USF3: variants seen among roughly 807,000 people sequenced by gnomAD.
The protein encoded by USF3 is basic helix-loop-helix domain-containing protein USF3.
In USF3, 29 loss-of-function variants were observed where a neutral mutation model predicts 157.5. That is an observed-to-expected ratio of 0.18 (90% CI 0.14 to 0.25). The LOEUF (loss-of-function observed/expected upper bound fraction) is 0.25. Among genes scored for constraint, USF3 ranks in the 10% least tolerant of loss-of-function variants. The pLI is 1.00. For missense variants in USF3, 2,381 were observed against 2,667.6 expected (o/e 0.89, Z 2.37); for synonymous variants, 893 against 941.4 (o/e 0.95, Z 0.94).
rs1441945200 is a variant in USF3 at position 113,659,375 on chromosome 3, T to G, written c.2307A>C (p.Leu769=). The G allele has an allele frequency of 1.2e-6, 2 of 1,614,246 alleles. No individual in the cohort carries two copies. Among genetic ancestry groups the G allele is most frequent in the East Asian group, 4.5e-5 (2 of 44,888 alleles). ...PPVTTDSSAT[L]ASTYNLVSTS... ...TACTCACTAGATTATAAGTACTAGCTAGTGTGGCTGAACTATCTGTTGTCA... is the reference window on the plus strand; with the variant it reads ...TACTCACTAGATTATAAGTACTAGCGAGTGTGGCTGAACTATCTGTTGTCA... Residue 769 remains leucine (L), a synonymous_variant, in exon 7 of 7, where the codon CTA becomes CTC. Coordinates refer to ENST00000316407, the MANE Select transcript of USF3 (RefSeq NM_001009899.4).
rs1318448146 is a variant in USF3 at position 113,658,488 on chromosome 3, T to C, written c.3194A>G (p.His1065Arg). 2 of 1,613,978 alleles carry C rather than the reference T, an allele frequency of 1.2e-6. No homozygotes were observed. The highest frequency in any genetic ancestry group is 1.7e-6 in the Non-Finnish European group (2 of 1,179,948). ...NNDDRDPPQH[H>R]SCLPDQEVIN... is the part of the protein sequence containing the mutation. ...AACCTCTTGATCAGGGAGGCAGGAA[T>C]GATGCTGTGGAGGATCTCTATCATC... The change falls in exon 7 of 7, where the codon CAT becomes CGT. Residue 1065 changes from histidine to arginine, a missense_variant. His to Arg is a conservative substitution (Grantham distance 29). Around this residue, in one of 6 missense-constraint regions of USF3, gnomAD observed 1,435 missense variants for 1,550.9 expected, o/e 0.93. Transcript: ENST00000316407.
chr3:113,677,768 T>G (rs1174962768), intron 1 of USF3, among the ~76,000 whole-genome samples: 1 of 152,218 alleles, frequency 6.6e-6, no homozygotes, highest in African/African-American at 2.4e-5. Context: ...TTATCTTTCC[T>G]TCAATTTCCT....
Position 113,655,232 on chromosome 3 carries a change from G to C in USF3, c.6450C>G (p.Asn2150Lys). ...GAGGAGATAAAATTGATCCAAATCG[G>C]TTATTTAAACTTCCACTGTTTACCT... ...TEKVNSGSLNNRFGSILSPPR... is the reference protein window; with the variant it reads ...TEKVNSGSLNKRFGSILSPPR... The change falls in exon 7 of 7, where the codon AAC becomes AAG. Residue 2150 changes from asparagine (N) to lysine (K), a missense_variant. Transcript: ENST00000316407. 1 of 1,614,164 alleles carries C rather than the reference G, an allele frequency of 6.2e-7. No homozygotes were observed. Among genetic ancestry groups the C allele is most frequent in the Non-Finnish European group, 8.5e-7 (1 of 1,180,012 alleles).
At chr3:113,680,154 A>G (rs1707379652) in intron 1 of USF3, among the ~76,000 whole-genome samples, 1 of 132,476 alleles carries the variant, frequency 7.5e-6, no homozygotes, top group Non-Finnish European at 1.5e-5. Context: ...CTCCTCCTCT[A>G]TTTTTCTTAA....
chr3:113,690,940 C>A (rs890215769), intron 1 of USF3, among the ~76,000 whole-genome samples: 1 of 152,158 alleles, frequency 6.6e-6, no homozygotes, highest in Admixed American at 6.6e-5. Flanking sequence ...GTAATCCCAG[C>A]ACTTTGAGAG....
At position 113,659,763 on chromosome 3, in the gene USF3, G is replaced by A. The variant is rs183889251; in HGVS notation, c.1919C>T (p.Pro640Leu). 1.4e-3 allele frequency: 2,275 copies of A among 1,614,218 alleles called. 1 individual carries two copies. Among genetic ancestry groups the A allele is most frequent in the Non-Finnish European group, 1.8e-3 (2,124 of 1,180,026 alleles). Reference protein sequence around the residue: ...GKHLVHILPRPSSLSASNSTQ... With the variant: ...GKHLVHILPRLSSLSASNSTQ... ...TGAGTTAGACGCTGATAAAGATGAAGGTCTTGGTAATATGTGGACAAGATG... is the reference window on the plus strand; with the variant it reads ...TGAGTTAGACGCTGATAAAGATGAAAGTCTTGGTAATATGTGGACAAGATG... Residue 640 changes from proline to leucine, a missense_variant, in exon 7 of 7, where the codon CCT becomes CTT. Coordinates refer to ENST00000316407, the MANE Select transcript of USF3 (RefSeq NM_001009899.4).
chr3:113,690,197 T>A (rs1416337101), intron 1 of USF3, among the ~76,000 whole-genome samples: 2 of 145,158 alleles, frequency 1.4e-5, no homozygotes, highest in Non-Finnish European at 3.1e-5. Context: ...CCCAAAAATC[T>A]TCATATCTTC....
chr3:113,686,606 T>C (rs1707552399), intron 1 of USF3, among the ~76,000 whole-genome samples: 1 of 152,216 alleles, frequency 6.6e-6, no homozygotes, highest in South Asian at 2.1e-4. Context: ...ATTTGGTTCT[T>C]ATGTGGATAG....
At chr3:113,681,383 T>G (rs1267012778) in intron 1 of USF3, among the ~76,000 whole-genome samples, 1 of 152,148 alleles carries the variant, frequency 6.6e-6, no homozygotes, top group South Asian at 2.1e-4. Flanking sequence ...TTTAAGAAAT[T>G]TTTTAATTTC....
At position 113,683,390 on chromosome 3, in the gene USF3, A is replaced by G. The variant is rs576979995; in HGVS notation, c.-134-5993T>C. 2.8e-5 allele frequency among the ~76,000 whole-genome samples: 4 copies of G among 141,440 alleles called. No individual in the cohort carries two copies. In the East Asian group the frequency reaches 8.2e-4, roughly 29 times the overall value. The allele number at this position is 141,440 out of a possible 152,430, so 92.8% of individuals were successfully genotyped here. A position where few individuals can be genotyped will look rare whatever the true frequency, so the allele number is the denominator to read the frequency against. On this transcript the variant is annotated intron_variant, in intron 1 of 6. Coordinates refer to ENST00000316407, the MANE Select transcript of USF3 (RefSeq NM_001009899.4). The stretch of plus-strand genomic sequence containing the variant: ...TAAAACTATAGTTTACTTCATGAAC[A>G]TAAGAGTAAACAGAAAATCTCAATC...
intron 4 of USF3, among the ~76,000 whole-genome samples, chr3:113,670,472 G>A (rs533371340): frequency 2.0e-4 from 30 of 152,194 alleles, no homozygotes; most frequent in Middle Eastern, 3.4e-3. Flanking sequence ...GGTGGCACAC[G>A]CCTGTAGTCC....
chr3:113,667,725 G>A (rs1464765624), intron 5 of USF3, among the ~76,000 whole-genome samples: 5 of 152,094 alleles, frequency 3.3e-5, no homozygotes, highest in Non-Finnish European at 7.3e-5. Context: ...AAATTAGCCT[G>A]GCGTGGTGGC....
chr3:113,682,040 T>C (rs1707443279), intron 1 of USF3, among the ~76,000 whole-genome samples: 1 of 152,110 alleles, frequency 6.6e-6, no homozygotes, highest in African/African-American at 2.4e-5. Context: ...TTTTAAGACT[T>C]TGTCTGGGCA....
chr3:113,695,444 T>A (rs1707777341), intron 1 of USF3, among the ~76,000 whole-genome samples: 1 of 152,236 alleles, frequency 6.6e-6, no homozygotes, highest in Non-Finnish European at 1.5e-5. Flanking sequence ...TGTTTCAGGA[T>A]CCATGTAACT....
In USF3 at chr3:113,658,343, G is replaced by A. The variant is rs747807169; in HGVS notation, c.3339C>T (p.Thr1113=). 3.7e-5 allele frequency: 59 copies of A among 1,613,962 alleles called. No homozygotes were observed. Among genetic ancestry groups the A allele is most frequent in the Non-Finnish European group, 5.0e-5 (59 of 1,180,006 alleles). Reference sequence around the variant, plus strand: ...CACATGTATTAGTTGTTGCATTGCTGGTCACATCTTCTCTTGTTGTTTCAG... The same window carrying A: ...CACATGTATTAGTTGTTGCATTGCTAGTCACATCTTCTCTTGTTGTTTCAG... ...MLPETTREDV[T]SNATTNTCDS... The change falls in exon 7 of 7, where the codon ACC becomes ACT. Residue 1113 remains threonine (T), a synonymous_variant. Coordinates refer to ENST00000316407, the MANE Select transcript of USF3 (RefSeq NM_001009899.4).
intron 1 of USF3, among the ~76,000 whole-genome samples, chr3:113,695,809 G>A (rs1284753256): frequency 2.0e-5 from 3 of 152,320 alleles, no homozygotes. Context: ...GATTTCAAGA[G>A]TTGGTCATTC....
chr3:113,656,863 C>T lies in USF3; in HGVS notation c.4819G>A (p.Val1607Ile), dbSNP rs761272549. The change falls in exon 7 of 7, where the codon GTT becomes ATT. Residue 1607 changes from valine (V) to isoleucine (I), a missense_variant. Transcript: ENST00000316407. ...CCTGAACCTTGCTGTCTGCTTCCAA[C>T]ATCCTGCTGTTGGTGCATAATATCT... ...NQDIMHQQQDVGSRQQGSGVS... is the reference protein window; with the variant it reads ...NQDIMHQQQDIGSRQQGSGVS... The T allele has an allele frequency of 5.6e-6, 9 of 1,614,120 alleles. No individual in the cohort carries two copies. The highest frequency in any genetic ancestry group is 1.7e-6 in the Non-Finnish European group (2 of 1,180,052).
chr3:113,656,973 A>C lies in USF3; in HGVS notation c.4709T>G (p.Phe1570Cys). ...GCTCTTCTCTGTCTGGGAGCTTCCA[A>C]AGTGTTGCTGCATTTGTTGCTGCAT... ...QQMQQQMQQH[F>C]GSSQTEKSCE... Residue 1570 changes from phenylalanine (F) to cysteine (C), a missense_variant, in exon 7 of 7, where the codon TTT becomes TGT. Phe to Cys is a radical substitution (Grantham distance 205). Coordinates refer to ENST00000316407, the MANE Select transcript of USF3 (RefSeq NM_001009899.4). 6.2e-7 allele frequency: 1 copy of C among 1,614,138 alleles called. No individual in the cohort carries two copies. Among genetic ancestry groups the C allele is most frequent in the Non-Finnish European group, 8.5e-7 (1 of 1,180,036 alleles).
At position 113,657,628 on chromosome 3, in the gene USF3, G is replaced by A. The variant is rs765296594; in HGVS notation, c.4054C>T (p.Leu1352Phe). Residue 1352 changes from leucine (L) to phenylalanine (F), a missense_variant, in exon 7 of 7, where the codon CTC (leucine) becomes TTC (phenylalanine). Coordinates refer to ENST00000316407, the MANE Select transcript of USF3 (RefSeq NM_001009899.4). ...KRQKHCQPAP[L>F]RLESMSLMSR... ...ATCAGGGACATACTTTCAAGCCTGA[G>A]GGGGGCTGGCTGACAGTGCTTTTGA... 5.0e-6 allele frequency: 8 copies of A among 1,614,068 alleles called. No individual in the cohort carries two copies. Among genetic ancestry groups the A allele is most frequent in the Admixed American group, 3.3e-5 (2 of 60,008 alleles).
Sources: gnomAD v4.1 joint callset for allele counts (sites outside exome capture counted in the v4.1 genomes callset) on GRCh38, gnomAD v4.1.1 for gene constraint, gnomAD v4.1.1 regional missense constraint, MANE v1.5 for transcripts, NCBI Gene and HGNC (gene_info 2026-07-23, HGNC 2026-07-21) for gene names.